OVCH1: variants seen among roughly 807,000 people sequenced by gnomAD.
OVCH1 encodes ovochymase 1, also known as ovochymase-1.
Under a neutral mutation model 138.4 loss-of-function variants are expected in OVCH1, and 139 were observed. The ratio of observed to expected loss-of-function variants is 1.00; its 90% confidence interval spans 0.87 to 1.16. The LOEUF is 1.16. Among genes scored for constraint, OVCH1 ranks in the 50% most tolerant of loss-of-function variants. OVCH1 has a pLI of 0.00. For missense variants in OVCH1, 1,367 were observed against 1,357.9 expected, an observed-to-expected ratio of 1.01 and a Z score of -0.11; for synonymous variants, 453 against 467.8, an observed-to-expected ratio of 0.97 and a Z score of 0.41.
chr12:29,458,854 A>AG (rs1942038026), intron 19 of OVCH1, among the ~76,000 whole-genome samples: 1 of 152,228 alleles, frequency 6.6e-6, no homozygotes, highest in African/African-American at 2.4e-5. Context: ...TCTCAAAAGA[A>AG]GACATACAAA....
intron 14 of OVCH1, among the ~76,000 whole-genome samples, chr12:29,474,804 G>A (rs1942646195): frequency 6.6e-6 from 1 of 152,110 alleles, no homozygotes; most frequent in Admixed American, 6.6e-5. Context: ...GTTTCTGTAT[G>A]TGGCGTGTGG....
intron 16 of OVCH1, among the ~76,000 whole-genome samples, chr12:29,467,054 T>C (rs1424536163): frequency 1.3e-5 from 2 of 152,160 alleles, no homozygotes; most frequent in Non-Finnish European, 2.9e-5. Context: ...TATGCCTTTA[T>C]TAACGGAGCT....
intron 26 of OVCH1, among the ~76,000 whole-genome samples, chr12:29,437,575 C>G (rs1055393202): frequency 2.6e-5 from 4 of 152,148 alleles, no homozygotes; most frequent in African/African-American, 9.7e-5. Context: ...TGCTGTAACA[C>G]TCATAGTTTT....
intron 6 of OVCH1, among the ~76,000 whole-genome samples, chr12:29,488,966 A>G (rs1237133200): frequency 6.7e-6 from 1 of 150,042 alleles, no homozygotes; most frequent in East Asian, 2.0e-4. Flanking sequence ...CCAACAGATA[A>G]TTTCAGAGAG....
intron 6 of OVCH1, among the ~76,000 whole-genome samples, 167 bp from the exon 7 acceptor site, chr12:29,488,049 A>T (rs1943163115): frequency 6.6e-6 from 1 of 152,104 alleles, no homozygotes; most frequent in Non-Finnish European, 1.5e-5. Context: ...TTGTGTCCTT[A>T]TCATTAGTTT....
At chr12:29,472,667 G>C (rs780961521) in intron 15 of OVCH1, among the ~76,000 whole-genome samples, 9 of 152,148 alleles carry the variant, frequency 5.9e-5, no homozygotes, top group Non-Finnish European at 1.2e-4. Context: ...AGATGCCTTA[G>C]AGCATAAGGA....
exon 14 of OVCH1, chr12:29,475,122 A>G (rs768937366): frequency 6.4e-6 from 10 of 1,573,130 alleles, no homozygotes; most frequent in Non-Finnish European, 8.6e-6. Flanking sequence ...CATCACTTTT[A>G]AAGTATATCA....
At chr12:29,476,344 A>C (rs1217552594) in intron 12 of OVCH1, 45 bp from the exon 13 acceptor site, 1 of 1,479,470 alleles carries the variant, frequency 6.8e-7, no homozygotes. Context: ...AAAGAAGAGA[A>C]GAGAGAAGCT....
intron 3 of OVCH1, among the ~76,000 whole-genome samples, chr12:29,419,714 A>T (rs1376557827): frequency 6.6e-6 from 1 of 152,214 alleles, no homozygotes; most frequent in Non-Finnish European, 1.5e-5. Context: ...TCTGAAAGTT[A>T]TATTTACTCC....
chr12:29,465,890 A>C (rs902253726), intron 16 of OVCH1, among the ~76,000 whole-genome samples: 3 of 152,092 alleles, frequency 2.0e-5, no homozygotes, highest in Non-Finnish European at 4.4e-5. Flanking sequence ...AATGTGGCAC[A>C]CATACACCAT....
At chr12:29,433,767 G>T in exon 27 of OVCH1, 1 of 1,420,304 alleles carries the variant, frequency 7.0e-7, no homozygotes, top group Non-Finnish European at 9.5e-7. Context: ...TAAATTTGAT[G>T]CAAATTTCTT....
intron 12 of OVCH1, among the ~76,000 whole-genome samples, chr12:29,476,736 A>C (rs1287173105): frequency 6.7e-6 from 1 of 150,042 alleles, no homozygotes; most frequent in Non-Finnish European, 1.5e-5. Flanking sequence ...ATTGCCAAGC[A>C]GCATAAGTAC....
intron 14 of OVCH1, among the ~76,000 whole-genome samples, chr12:29,474,104 CAT>C (rs1035499007): frequency 1.9e-3 from 271 of 142,730 alleles, no homozygotes; most frequent in African/African-American, 7.1e-3. Flanking sequence ...CACACACACA[CAT>C]ATATATATCT....
At chr12:29,495,831 G>A (rs10843439) in intron 3 of OVCH1, among the ~76,000 whole-genome samples, 15,303 of 152,088 alleles carry the variant, frequency 0.1, 994 homozygotes, top group Non-Finnish European at 0.15. Context: ...TGTAATTTCT[G>A]CAGTTTTTTC....
intron 3 of OVCH1, among the ~76,000 whole-genome samples, chr12:29,413,669 TAC>T (rs3064302): frequency 0.1 from 15,626 of 150,822 alleles, 900 homozygotes; most frequent in African/African-American, 0.16. Context: ...ATTACACACA[TAC>T]ACACACACAC....
At chr12:29,410,062 A>G (rs1940933669), downstream of OVCH1, among the ~76,000 whole-genome samples, 1 of 152,028 alleles carries the variant, frequency 6.6e-6, no homozygotes, top group African/African-American at 2.4e-5. Context: ...CCATTATGTA[A>G]TGGCCTTTTT....
chr12:29,478,056 T>A (rs190906702), intron 9 of OVCH1, among the ~76,000 whole-genome samples: 51 of 152,340 alleles, frequency 3.3e-4, no homozygotes, highest in African/African-American at 1.1e-3. Flanking sequence ...GAAGAGACAT[T>A]TGTCCTAACC....
chr12:29,476,299 A>G lies in OVCH1; in HGVS notation c.1378T>C (p.Leu460=), dbSNP rs370443848. 6 of 1,609,264 alleles carry G rather than the reference A, an allele frequency of 3.7e-6. No homozygotes were observed. In the African/African-American group the frequency reaches 6.7e-5, roughly 18 times the overall value. ...TTGACAGCAAAGTCCTCAAATGTCA[A>G]CTGTGCAAATGGAAACATAACCAGG... The change falls in exon 13 of 28, where the codon TTG becomes CTG. Residue 460 remains leucine (L), a splice_region_variant and synonymous_variant. Coordinates refer to ENST00000318184, the Ensembl canonical transcript of OVCH1.
At chr12:29,426,045 G>A (rs371164476), downstream of OVCH1, 5 of 152,288 alleles carry the variant, frequency 3.3e-5, no homozygotes, top group East Asian at 9.7e-4. Flanking sequence ...AAGAACTTGT[G>A]AGACTCAGCT....
Sources: allele counts gnomAD v4.1 joint callset (sites outside exome capture counted in the v4.1 genomes callset), GRCh38; gene constraint gnomAD v4.1.1; transcripts MANE v1.5; gene names NCBI Gene and HGNC (gene_info 2026-07-23, HGNC 2026-07-21).